SNRPN: variants seen among roughly 807,000 people sequenced by gnomAD.
SNRPN encodes small nuclear ribonucleoprotein polypeptide N, also known as small nuclear ribonucleoprotein-associated protein N.
A neutral mutation model predicts 25.2 loss-of-function variants in SNRPN; 7 were observed. The ratio of observed to expected loss-of-function variants is 0.28; its 90% CI spans 0.16 to 0.52. The LOEUF is 0.52. SNRPN is among the 20% of genes least tolerant of loss of function. SNRPN has a pLI of 0.96. For missense variants in SNRPN, 196 were observed against 322.5 expected (o/e 0.61, Z 3.00); for synonymous variants, 124 against 110.6 (o/e 1.12, Z -0.76).
intron 1 of SNRPN, among the ~76,000 whole-genome samples, chr15:24,884,630 A>G (rs1375463536): frequency 1.3e-5 from 2 of 152,136 alleles, no homozygotes; most frequent in East Asian, 3.9e-4. Context: ...ATTCTTTTAA[A>G]TTTTGTTATC....
chr15:24,889,138 G>A (rs375565387), intron 2 of SNRPN, among the ~76,000 whole-genome samples: 1 of 151,884 alleles, frequency 6.6e-6, no homozygotes, highest in African/African-American at 2.4e-5. Flanking sequence ...GGCTGGTCTC[G>A]AACTCCTGAC....
At chr15:24,919,317 G>GCTA (rs2059899591) in intron 2 of SNRPN, among the ~76,000 whole-genome samples, 1 of 151,594 alleles carries the variant, frequency 6.6e-6, no homozygotes, top group Admixed American at 6.6e-5. Flanking sequence ...TGTAGTCCCA[G>GCTA]CTACTCGGGA....
Position 24,962,196 on chromosome 15 carries a change from C to A in SNRPN, c.-308C>A. The A allele has an allele frequency of 6.2e-7, 1 of 1,614,010 alleles. No individual in the cohort carries two copies. On this transcript the variant is annotated 5_prime_UTR_variant, in exon 2 of 10. In the 5' UTR this introduces an upstream ATG that the reference lacks. Transcript: ENST00000390687. ...AGTCAAACGCAGAAGGACTGCCTCACTGAGCAACCAAGAGTGAGTACAGAC... is the reference window on the plus strand; with the variant it reads ...AGTCAAACGCAGAAGGACTGCCTCAATGAGCAACCAAGAGTGAGTACAGAC...
intron 4 of SNRPN, chr15:24,974,734 T>A (rs1330913888): frequency 1.6e-6 from 1 of 607,450 alleles, no homozygotes; most frequent in African/African-American, 1.9e-5. Flanking sequence ...TGCCTCAGCC[T>A]CTTTATTAGA....
intron 2 of SNRPN, among the ~76,000 whole-genome samples, chr15:24,903,088 A>C (rs2058573459): frequency 6.6e-6 from 1 of 152,192 alleles, no homozygotes; most frequent in Non-Finnish European, 1.5e-5. Flanking sequence ...TTAGGTAGAC[A>C]GAAAAGTTTT....
chr15:24,865,595 A>G (rs1382242244), intron 1 of SNRPN, among the ~76,000 whole-genome samples: 1 of 152,170 alleles, frequency 6.6e-6, no homozygotes, highest in Non-Finnish European at 1.5e-5. Flanking sequence ...AAGATTGTTT[A>G]TGTGGAAGTC....
chr15:24,926,619 GTT>G (rs34428935), intron 3 of SNRPN, among the ~76,000 whole-genome samples: 1 of 148,166 alleles, frequency 6.7e-6, no homozygotes, highest in African/African-American at 2.5e-5. Context: ...ATGGATTCTG[GTT>G]TTTTTTTTGC....
chr15:24,958,411 G>A (rs11632945), intron 1 of SNRPN, among the ~76,000 whole-genome samples: 45,721 of 144,014 alleles, frequency 0.32, 7,853 homozygotes, highest in East Asian at 0.5. Flanking sequence ...TGTGGCCCAG[G>A]GCCAGAAAGC....
intron 2 of SNRPN, among the ~76,000 whole-genome samples, chr15:24,907,563 A>C (rs1402977163): frequency 6.6e-6 from 1 of 151,782 alleles, no homozygotes; most frequent in Non-Finnish European, 1.5e-5. Flanking sequence ...GTGCCACTGC[A>C]CTCCAGCCTG....
rs757571186 is a variant in SNRPN at position 24,978,628 on chromosome 15, C to A, written c.*184C>A. On this transcript the variant is annotated 3_prime_UTR_variant, in exon 10 of 10. Transcript: ENST00000390687. ...TTTTGCCTGTTGATTTTGATGAGAT[C>A]TTAAGTTACTGTGGATGAGGGTGAT... 1.6e-6 allele frequency: 1 copy of A among 632,978 alleles called. No homozygotes were observed. The highest frequency in any genetic ancestry group is 2.7e-5 in the East Asian group (1 of 37,076). The allele number at this position is 632,978 out of a possible 1,614,324, so 39.2% of individuals were successfully genotyped here.
At chr15:24,841,241 G>T (rs1435334517) in intron 2 of SNRPN, among the ~76,000 whole-genome samples, 1 of 152,038 alleles carries the variant, frequency 6.6e-6, no homozygotes, top group Non-Finnish European at 1.5e-5. Flanking sequence ...ATTCAGTGCG[G>T]CTTGGGTAGC....
intron 3 of SNRPN, among the ~76,000 whole-genome samples, chr15:24,946,789 T>A (rs2061920171): frequency 6.6e-6 from 1 of 152,184 alleles, no homozygotes. Flanking sequence ...TATTTTTTGT[T>A]TTTTATTTAT....
chr15:24,930,590 C>CAAA (rs67708507), intron 3 of SNRPN, among the ~76,000 whole-genome samples: 1,515 of 98,300 alleles, frequency 0.015, 33 homozygotes, highest in African/African-American at 0.029. Flanking sequence ...TACAAAAATA[C>CAAA]AAAAAAAAAA....
At chr15:24,955,813 TTGGCGGCGGTAGGCA>T (rs367828191) in intron 1 of SNRPN, among the ~76,000 whole-genome samples, 17 of 150,186 alleles carry the variant, frequency 1.1e-4, no homozygotes, top group East Asian at 2.0e-4. Flanking sequence ...GTGGTGGACT[TTGGCGGCGGTAGGCA>T]TGGCGGCGGT....
chr15:24,908,354 C>A (rs1485235090), intron 2 of SNRPN, among the ~76,000 whole-genome samples: 1 of 152,086 alleles, frequency 6.6e-6, no homozygotes, highest in Non-Finnish European at 1.5e-5. Flanking sequence ...TTTGGAAGTG[C>A]ATGCTAGAAG....
chr15:24,854,717 C>T (rs2053218253), upstream of SNRPN, among the ~76,000 whole-genome samples: 1 of 152,108 alleles, frequency 6.6e-6, no homozygotes, highest in Non-Finnish European at 1.5e-5. Flanking sequence ...TTAATTCTAG[C>T]CCAGTTGGCC....
At chr15:24,884,364 T>C (rs1009859699) in intron 1 of SNRPN, among the ~76,000 whole-genome samples, 2 of 152,118 alleles carry the variant, frequency 1.3e-5, no homozygotes, top group Non-Finnish European at 2.9e-5. Flanking sequence ...GGGTGTAGTA[T>C]ATTCCTGGTA....
chr15:24,868,567 G>T lies in SNRPN; in HGVS notation c.-579+11851G>T, dbSNP rs566839623. On this transcript the variant is annotated intron_variant, in intron 1 of 11. Coordinates refer to the SNRPN transcript ENST00000400097. ...GCCCACACTTACAGGGAGAGGATTA[G>T]AATGCAAGGTTGTGTTCACCAGCAG... is the stretch of plus-strand genomic sequence containing the variant. Among the ~76,000 whole-genome samples the T allele has an allele frequency of 7.2e-5, 11 of 152,322 alleles. No individual in the cohort carries two copies. The East Asian group carries it at 2.1e-3, about 29-fold the overall frequency.
rs1266177809 is a variant in SNRPN, at chr15:24,868,146, CAT to C, written c.-579+11434_-579+11435del. 1.5e-3 allele frequency among the ~76,000 whole-genome samples: 216 copies of C among 148,836 alleles called. 7 individuals carry two copies. The South Asian group carries it at 0.042, about 29-fold the overall frequency. On this transcript the variant is annotated intron_variant, in intron 1 of 11. Transcript: ENST00000400097. ...GTATATATATATATATACACACACA[CAT>C]ATACATATGCATGAATGCTCATATA...
Sources: gnomAD v4.1 joint callset for allele counts (sites outside exome capture counted in the v4.1 genomes callset) on GRCh38, gnomAD v4.1.1 for gene constraint, MANE v1.5 for transcripts, NCBI Gene and HGNC (gene_info 2026-07-23, HGNC 2026-07-21) for gene names.